The following STARD7 variants were observed in gnomAD, a reference collection of about 807,000 sequenced individuals.
STARD7 encodes the protein stAR-related lipid transfer protein 7, mitochondrial.
A neutral mutation model predicts 45.3 loss-of-function variants in STARD7; 30 were observed. The ratio of observed to expected loss-of-function variants is 0.66; its 90% CI spans 0.50 to 0.90. The LOEUF (loss-of-function observed/expected upper bound fraction) is 0.90, where lower values mean the gene tolerates loss of function less well. STARD7 is among the 40% of genes least tolerant of loss of function. The pLI, the probability that STARD7 is intolerant of heterozygous loss-of-function variation, is 0.00. For missense variants in STARD7, 495 were observed against 491.3 expected, an observed-to-expected ratio of 1.01 and a Z score of -0.07; for synonymous variants, 199 against 183.0, an observed-to-expected ratio of 1.09 and a Z score of -0.70.
In STARD7 at chr2:96,208,300, G is replaced by A. The variant is rs1161858681; in HGVS notation, c.135C>T (p.Tyr45=). 1.6e-5 allele frequency: 25 copies of A among 1,608,902 alleles called. No homozygotes were observed. The highest frequency in any genetic ancestry group is 2.0e-5 in the Non-Finnish European group (23 of 1,178,752). The change falls in exon 1 of 8, where the codon TAC becomes TAT. Residue 45 remains tyrosine (Y), a synonymous_variant. Coordinates refer to ENST00000337288, the MANE Select transcript of STARD7 (RefSeq NM_020151.4). The stretch of plus-strand genomic sequence containing the variant: ...GTGAGCTCTCGGAGTAGAGGCGGCC[G>A]TAGAGCTGCGCGATCTGCTGCGCGC... ...VRRAQQIAQL[Y]GRLYSESSRR...
intron 5 of STARD7, among the ~76,000 whole-genome samples, chr2:96,192,707 G>A (rs879611322): frequency 1.3e-5 from 2 of 152,144 alleles, no homozygotes; most frequent in Non-Finnish European, 2.9e-5. Flanking sequence ...ATCACTTGAG[G>A]CCAGGAGTCC....
chr2:96,193,085 C>G lies in STARD7; in HGVS notation c.736G>C (p.Val246Leu). 1.2e-6 allele frequency: 2 copies of G among 1,612,912 alleles called. No homozygotes were observed. Among genetic ancestry groups the G allele is most frequent in the South Asian group, 1.1e-5 (1 of 90,958 alleles). Residue 246 changes from valine (V) to leucine (L), a missense_variant, in exon 5 of 8, where the codon GTG becomes CTG. Physicochemically the swap from Val to Leu is conservative, Grantham distance 32 (BLOSUM62 1). This residue lies in a region of STARD7 where 213 missense variants were observed against 271.2 expected (regional missense o/e 0.79). Transcript: ENST00000337288. ...ACAGGCAGCCATACATACCGCGACA[C>G]CAACACCATCATGTTGTTTTCCTGA... The part of the protein sequence containing the change: ...VDQENNMMVL[V>L]SRAVEHPSVP...
intron 6 of STARD7, among the ~76,000 whole-genome samples, chr2:96,189,465 A>C (rs1683090691): frequency 6.6e-6 from 1 of 152,038 alleles, no homozygotes; most frequent in Non-Finnish European, 1.5e-5. Context: ...AGCACTCAGA[A>C]AGGCCGAGGC....
Position 96,208,240 on chromosome 2 carries a change from C to A in STARD7, c.195G>T (p.Leu65=). The part of the protein sequence containing the change: ...RVLLGRLWRR[L]HGRPGHASAL... ...CAGAGGCATGGCCAGGACGGCCGTG[C>A]AGCCGGCGCCAGAGGCGGCCGAGGA... The change falls in exon 1 of 8, where the codon CTG becomes CTT. Residue 65 remains leucine (L), a synonymous_variant. Coordinates refer to ENST00000337288, the MANE Select transcript of STARD7 (RefSeq NM_020151.4). 1.2e-6 allele frequency: 2 copies of A among 1,612,262 alleles called. No individual in the cohort carries two copies. Among genetic ancestry groups the A allele is most frequent in the Non-Finnish European group, 1.7e-6 (2 of 1,179,580 alleles).
chr2:96,202,955 T>TAA (rs754361608), intron 1 of STARD7, among the ~76,000 whole-genome samples: 11 of 152,214 alleles, frequency 7.2e-5, no homozygotes, highest in Non-Finnish European at 1.2e-4. Context: ...CTCTCCTATA[T>TAA]AATTAAAGGT....
intron 1 of STARD7, among the ~76,000 whole-genome samples, chr2:96,197,066 CAAAAT>C (rs369471334): frequency 0.15 from 13,411 of 89,486 alleles, 1,274 homozygotes; most frequent in African/African-American, 0.25. Context: ...AACTCCGTCT[CAAAAT>C]AAAATAAAAT....
chr2:96,201,878 G>C (rs1418317267), intron 1 of STARD7, among the ~76,000 whole-genome samples: 2 of 152,174 alleles, frequency 1.3e-5, no homozygotes, highest in East Asian at 1.9e-4. Context: ...TAAAAGTTTA[G>C]AGCAATTCAA....
rs1487256452 is a variant in STARD7 at position 96,206,197 on chromosome 2, TTCCCCACTAAC to T, written c.290+1937_290+1947del. ...TTACTATGTTCATTTCCTATCTTTT[TTCCCCACTAAC>T]TCCCCACTAACTCTGTTTAGCACTG... On this transcript the variant is annotated intron_variant, in intron 1 of 7. Transcript: ENST00000337288. Among the ~76,000 whole-genome samples the T allele has an allele frequency of 2.6e-5, 4 of 152,298 alleles. No individual in the cohort carries two copies. The South Asian group carries it at 6.2e-4, about 24-fold the overall frequency.
chr2:96,208,630 T>G lies in STARD7; in HGVS notation c.-196A>C, dbSNP rs1248995280. The G allele has an allele frequency of 2.1e-6, 1 of 479,340 alleles. No individual in the cohort carries two copies. Among genetic ancestry groups the G allele is most frequent in the East Asian group, 3.5e-5 (1 of 28,314 alleles). The allele number at this position is 479,340 out of a possible 1,614,324, so 29.7% of individuals were successfully genotyped here. ...TCTCCTCTGAGGGGAGAGTCGGTCA[T>G]GGCAGCAGACGCCGGGATGGCTCCG... On this transcript the variant is annotated 5_prime_UTR_variant, in exon 1 of 8. An upstream start codon of the reference 5' UTR is lost. Coordinates refer to ENST00000337288, the MANE Select transcript of STARD7 (RefSeq NM_020151.4).
intron 1 of STARD7, among the ~76,000 whole-genome samples, chr2:96,200,904 T>C (rs1683294372): frequency 6.6e-6 from 1 of 152,206 alleles, no homozygotes; most frequent in South Asian, 2.1e-4. Context: ...GGCTGTCTTA[T>C]ACACTCTATT....
chr2:96,190,648 T>A (rs1431297502), intron 6 of STARD7, among the ~76,000 whole-genome samples: 3 of 151,910 alleles, frequency 2.0e-5, no homozygotes, highest in African/African-American at 7.2e-5. Flanking sequence ...TTTTTATTTT[T>A]TATTTTTTTT....
rs1199937297 is a variant in STARD7, at chr2:96,186,146, A to T, written c.*584T>A. 1 of 152,402 alleles carries T rather than the reference A, an allele frequency of 6.6e-6. No homozygotes were observed. Among genetic ancestry groups the T allele is most frequent in the Non-Finnish European group, 1.5e-5 (1 of 68,056 alleles). 9.4% of individuals were successfully genotyped at this position (152,402 alleles called of 1,614,324 possible). A position where few individuals can be genotyped will look rare whatever the true frequency, so the allele number is the denominator to read the frequency against. On this transcript the variant is annotated 3_prime_UTR_variant, in exon 8 of 8. Coordinates refer to ENST00000337288, the MANE Select transcript of STARD7 (RefSeq NM_020151.4). The stretch of plus-strand genomic sequence containing the variant: ...AAGACCAGCCTGGGAAACAGAGTGA[A>T]ACTCCATCTCTACTTAAAAAAAAAA...
intron 5 of STARD7, 41 bp downstream of exon 5, chr2:96,193,037 G>A: frequency 6.8e-7 from 1 of 1,471,604 alleles, no homozygotes; most frequent in Non-Finnish European, 9.5e-7. Context: ...GAAGGCCACA[G>A]CTAAAGGAAC....
intron 1 of STARD7, among the ~76,000 whole-genome samples, chr2:96,202,021 G>C (rs1683312105): frequency 6.6e-6 from 1 of 152,072 alleles, no homozygotes. Context: ...AATTGAATTT[G>C]CTGAATTTTA....
rs1479318357 is a variant in STARD7, at chr2:96,208,785, G to A, written c.-351C>T. On this transcript the variant is annotated 5_prime_UTR_variant, in exon 1 of 8. Transcript: ENST00000337288. ...GGACAGAAACGAGACAGACAGCTCA[G>A]GCCCAGCAGCACGCAAGCTCCCGCG... is the stretch of plus-strand genomic sequence containing the variant. The A allele has an allele frequency of 4.9e-6, 2 of 404,358 alleles. No homozygotes were observed. The highest frequency in any genetic ancestry group is 8.8e-6 in the Non-Finnish European group (2 of 228,086). 25.0% of individuals were successfully genotyped at this position (404,358 alleles called of 1,614,324 possible).
intron 1 of STARD7, among the ~76,000 whole-genome samples, chr2:96,201,409 TAAA>T (rs60808208): frequency 1.8e-5 from 2 of 109,576 alleles, no homozygotes; most frequent in Non-Finnish European, 1.8e-5. Flanking sequence ...ACTCCACCTC[TAAA>T]AAAAAAAAAA....
chr2:96,201,384 T>A (rs887749439), intron 1 of STARD7, among the ~76,000 whole-genome samples: 2 of 138,536 alleles, frequency 1.4e-5, no homozygotes, highest in South Asian at 4.6e-4. Flanking sequence ...AAGACCAGCC[T>A]GGGCAACATG....
chr2:96,195,886 G>A (rs1683196764), intron 1 of STARD7, among the ~76,000 whole-genome samples: 1 of 152,052 alleles, frequency 6.6e-6, no homozygotes. Flanking sequence ...AGGCAGAAGA[G>A]GGTGGATCAC....
chr2:96,208,185 C>T lies in STARD7; in HGVS notation c.250G>A (p.Val84Ile). The change falls in exon 1 of 8, where the codon GTT (valine) becomes ATT (isoleucine). Residue 84 changes from valine to isoleucine, a missense_variant. Coordinates refer to ENST00000337288, the MANE Select transcript of STARD7 (RefSeq NM_020151.4). ...TCCTGGATCCTCTCCTCGTCCCAAA[C>T]GAAGACGCCGGCTAACGCCGCCATC... ...ALMAALAGVF[V>I]WDEERIQEEE... 1.9e-6 allele frequency: 3 copies of T among 1,603,492 alleles called. No individual in the cohort carries two copies. Among genetic ancestry groups the T allele is most frequent in the Non-Finnish European group, 1.7e-6 (2 of 1,175,718 alleles).
Sources: gnomAD v4.1 joint callset for allele counts (sites outside exome capture counted in the v4.1 genomes callset) on GRCh38, gnomAD v4.1.1 for gene constraint, gnomAD v4.1.1 regional missense constraint, MANE v1.5 for transcripts, NCBI Gene and HGNC (gene_info 2026-07-23, HGNC 2026-07-21) for gene names.